The following SEC24B variants were observed in gnomAD, a reference collection of about 807,000 sequenced individuals.
SEC24B encodes protein transport protein Sec24B.
SEC24B carries 45 observed loss-of-function variants against 142.8 expected under a neutral mutation model. The observed-to-expected ratio is 0.32, with a 90% CI of 0.25 to 0.40. The LOEUF (loss-of-function observed/expected upper bound fraction) is 0.40. Among genes scored for constraint, SEC24B ranks in the 10% least tolerant of loss-of-function variants. The probability of loss-of-function intolerance (pLI) is 1.00; values close to 1 mark genes in which losing one functional copy is unlikely to be tolerated. For missense variants in SEC24B, 1,409 were observed against 1,526.8 expected, an observed-to-expected ratio of 0.92 and a Z score of 1.29; for synonymous variants, 574 against 568.2, an observed-to-expected ratio of 1.01 and a Z score of -0.15.
intron 1 of SEC24B, among the ~76,000 whole-genome samples, chr4:109,435,466 A>G (rs991816183): frequency 6.6e-6 from 1 of 152,256 alleles, no homozygotes; most frequent in Non-Finnish European, 1.5e-5. Flanking sequence ...AGAACATTGT[A>G]GACTCATGTT....
At chr4:109,451,038 T>C (rs1402814645) in intron 1 of SEC24B, 1 of 152,132 alleles carries the variant, frequency 6.6e-6, no homozygotes, top group African/African-American at 2.4e-5. Flanking sequence ...TCCCAGTAGC[T>C]GGGATTACAA....
chr4:109,538,403 T>G, intron 22 of SEC24B, 90 bp from the exon 23 acceptor site: 1 of 796,456 alleles, frequency 1.3e-6, no homozygotes, highest in Non-Finnish European at 2.2e-6. Flanking sequence ...GTGCTGGCAG[T>G]TGGGGGTGAT....
intron 11 of SEC24B, 29 bp downstream of exon 11, chr4:109,516,669 A>C (rs1241236522): frequency 1.7e-6 from 2 of 1,204,228 alleles, no homozygotes; most frequent in Non-Finnish European, 1.2e-6. Context: ...CATACTATAC[A>C]TATGTGTATG....
Position 109,513,740 on chromosome 4 carries a change from T to G in SEC24B, c.1904-7T>G, listed in dbSNP as rs1447587848. ...TCTCTAAATTTGTACTGGGACCTCT[T>G]ATCTAGTTCCTGAAGAATTTATGTA... On this transcript the variant is annotated splice_polypyrimidine_tract_variant and splice_region_variant and intron_variant, in intron 9 of 23. Transcript: ENST00000265175. 1.3e-6 allele frequency: 2 copies of G among 1,549,522 alleles called. No homozygotes were observed. Among genetic ancestry groups the G allele is most frequent in the Non-Finnish European group, 1.8e-6 (2 of 1,121,558 alleles).
chr4:109,488,044 T>G (rs1734566170), intron 4 of SEC24B, among the ~76,000 whole-genome samples: 1 of 152,094 alleles, frequency 6.6e-6, no homozygotes, highest in Non-Finnish European at 1.5e-5. Context: ...AGAGTAGTTA[T>G]TTCTTGATAT....
chr4:109,455,399 C>T (rs144386074), intron 1 of SEC24B, among the ~76,000 whole-genome samples: 1 of 152,142 alleles, frequency 6.6e-6, no homozygotes, highest in Admixed American at 6.5e-5. Flanking sequence ...TTCAGGCATG[C>T]ACCACCATGC....
Position 109,433,919 on chromosome 4 carries a change from CG to C in SEC24B, c.51del (p.Lys19SerfsTer60). ...CACCCGGCCGCCAGCGCCCGGATCC[CG>C]CCCAAGTTCGGCGGAGCGGCCGTCT... ...SSHPAASARI[P>X]PKFGGAAVSG... is the part of the protein sequence containing the mutation. On this transcript the variant is annotated frameshift_variant, in exon 1 of 24. Transcript: ENST00000265175. LOFTEE classifies it high-confidence loss of function. 7.6e-7 allele frequency: 1 copy of C among 1,318,010 alleles called. No individual in the cohort carries two copies. Among genetic ancestry groups the C allele is most frequent in the South Asian group, 2.0e-5 (1 of 50,172 alleles). The allele number at this position is 1,318,010 out of a possible 1,614,324, so 81.6% of individuals were successfully genotyped here. A position where few individuals can be genotyped will look rare whatever the true frequency, so the allele number is the denominator to read the frequency against.
rs140952864 is a variant in SEC24B at position 109,465,259 on chromosome 4, G to A, written c.877+1615G>A. ...AGTGTCTGTCACAGTTCCGAAATCT[G>A]GCTGTCTACCAGAATCACTGGCACA... On this transcript the variant is annotated intron_variant, in intron 2 of 23. Coordinates refer to ENST00000265175, the MANE Select transcript of SEC24B (RefSeq NM_006323.5). Among the ~76,000 whole-genome samples the A allele has an allele frequency of 9.8e-3, 1,499 of 152,282 alleles. 14 individuals carry two copies. Among genetic ancestry groups the A allele is most frequent in the Admixed American group, 0.018 (279 of 15,302 alleles).
chr4:109,538,779 C>A (rs1725839085), intron 23 of SEC24B, among the ~76,000 whole-genome samples, 183 bp downstream of exon 23: 3 of 151,744 alleles, frequency 2.0e-5, no homozygotes, highest in Non-Finnish European at 4.4e-5. Context: ...TTTTAATTTT[C>A]TTTCTTTCTT....
At chr4:109,485,492 C>A (rs187670081) in intron 4 of SEC24B, among the ~76,000 whole-genome samples, 1 of 152,104 alleles carries the variant, frequency 6.6e-6, no homozygotes, top group African/African-American at 2.4e-5. Context: ...CAGTGTTAAA[C>A]GTACATGTTA....
intron 4 of SEC24B, among the ~76,000 whole-genome samples, chr4:109,482,389 T>A (rs1229819984): frequency 6.6e-6 from 1 of 152,236 alleles, no homozygotes; most frequent in Non-Finnish European, 1.5e-5. Flanking sequence ...GGTAGAACAC[T>A]GCTAAAAAAT....
intron 8 of SEC24B, among the ~76,000 whole-genome samples, chr4:109,511,125 A>G (rs1364283528): frequency 4.0e-5 from 6 of 151,750 alleles, no homozygotes. Context: ...GAAATTGTAT[A>G]CTATATATAT....
chr4:109,533,602 A>C lies in SEC24B; in HGVS notation c.3505A>C (p.Ile1169Leu). The C allele has an allele frequency of 6.2e-7, 1 of 1,608,702 alleles. No homozygotes were observed. The highest frequency in any genetic ancestry group is 1.3e-5 in the African/African-American group (1 of 74,806). The change falls in exon 22 of 24, where the codon ATT becomes CTT. Residue 1169 changes from isoleucine (I) to leucine (L), a missense_variant. By Grantham distance (5) the Ile-to-Leu change is conservative. Transcript: ENST00000265175. ...TGCTTTTTCTTTTTAGGTTTTTTAC[A>C]TTTGGGTTGGGAAAGGCTGTGACAA... ...FLMDCGSVFY[I>L]WVGKGCDNNF...
intron 7 of SEC24B, among the ~76,000 whole-genome samples, 166 bp from the exon 8 acceptor site, chr4:109,509,843 T>C (rs561352949): frequency 6.6e-6 from 1 of 152,344 alleles, no homozygotes; most frequent in Non-Finnish European, 1.5e-5. Flanking sequence ...TTTTTTGACA[T>C]ATATTGCATA....
intron 4 of SEC24B, chr4:109,488,630 TG>T: frequency 6.4e-6 from 1 of 156,440 alleles, no homozygotes. Flanking sequence ...GTAGAATTGC[TG>T]GGTCAGAACT....
Position 109,530,302 on chromosome 4 carries a change from C to T in SEC24B, c.3090C>T (p.Ser1030=), listed in dbSNP as rs376824960. The T allele has an allele frequency of 8.1e-5, 130 of 1,612,158 alleles. No individual in the cohort carries two copies. Among genetic ancestry groups the T allele is most frequent in the Non-Finnish European group, 1.0e-4 (119 of 1,178,956 alleles). ...GTTGCTTTTTAGCTGTGGATCGGTCCGTTTCATCAAGTCTGTCAGATGCAA... is the reference window on the plus strand; with the variant it reads ...GTTGCTTTTTAGCTGTGGATCGGTCTGTTTCATCAAGTCTGTCAGATGCAA... ...CLLANMAVDR[S]VSSSLSDARD... is the part of the protein sequence containing the mutation. Residue 1030 remains serine (S), a synonymous_variant, in exon 19 of 24, where the codon TCC becomes TCT. Coordinates refer to ENST00000265175, the MANE Select transcript of SEC24B (RefSeq NM_006323.5).
intron 1 of SEC24B, among the ~76,000 whole-genome samples, chr4:109,448,585 C>A (rs1360720241): frequency 6.6e-6 from 1 of 151,968 alleles, no homozygotes; most frequent in Non-Finnish European, 1.5e-5. Context: ...CAGGCACTTG[C>A]CACCACGCCT....
chr4:109,528,918 C>T (rs957829570), intron 18 of SEC24B, among the ~76,000 whole-genome samples: 1 of 152,042 alleles, frequency 6.6e-6, no homozygotes, highest in Admixed American at 6.5e-5. Flanking sequence ...AATCCCAGTA[C>T]TTGGGAGGCT....
chr4:109,496,891 A>G (rs1347504906), intron 6 of SEC24B, among the ~76,000 whole-genome samples: 9 of 152,054 alleles, frequency 5.9e-5, no homozygotes, highest in East Asian at 1.9e-4. Context: ...GGGTTGTAAC[A>G]TATTATTTAC....
Sources: gnomAD v4.1 joint callset for allele counts (sites outside exome capture counted in the v4.1 genomes callset) on GRCh38, gnomAD v4.1.1 for gene constraint, MANE v1.5 for transcripts, NCBI Gene and HGNC (gene_info 2026-07-23, HGNC 2026-07-21) for gene names.